Variants in PTPN3 observed in about 807,000 individuals in gnomAD.
The protein encoded by PTPN3 is protein tyrosine phosphatase non-receptor type 3.
In PTPN3, 96 loss-of-function variants were observed where a neutral mutation model predicts 132.7. The ratio of observed to expected loss-of-function variants is 0.72; its 90% CI spans 0.61 to 0.86. The LOEUF (loss-of-function observed/expected upper bound fraction) is 0.86, where lower values mean the gene tolerates loss of function less well. Ranked by LOEUF, PTPN3 falls within the 40% of genes least tolerant of loss-of-function variation. PTPN3 has a pLI of 0.00. For missense variants in PTPN3, 1,125 were observed against 1,159.6 expected, an observed-to-expected ratio of 0.97 and a Z score of 0.43; for synonymous variants, 398 against 429.0, an observed-to-expected ratio of 0.93 and a Z score of 0.89.
At chr9:109,442,330 G>A (rs1027053842) in intron 7 of PTPN3, among the ~76,000 whole-genome samples, 1 of 152,142 alleles carries the variant, frequency 6.6e-6, no homozygotes, top group African/African-American at 2.4e-5. Context: ...ATACAGGCGT[G>A]AACCACCGTG....
chr9:109,399,878 T>C (rs965943515), intron 19 of PTPN3, among the ~76,000 whole-genome samples: 1 of 150,268 alleles, frequency 6.7e-6, no homozygotes, highest in Non-Finnish European at 1.5e-5. Flanking sequence ...CTGGAGAAGG[T>C]AGAGAACTGG....
chr9:109,408,994 T>C (rs3829085), intron 16 of PTPN3, among the ~76,000 whole-genome samples: 5,752 of 151,740 alleles, frequency 0.038, 147 homozygotes, highest in East Asian at 0.15. Context: ...AGGCTGTGCA[T>C]GATGGCAGCT....
In PTPN3 at chr9:109,474,846, A is replaced by G. The variant is rs577321971; in HGVS notation, c.-17-11395T>C. On this transcript the variant is annotated intron_variant, in intron 1 of 25. Transcript: ENST00000374541. ...GCTGTGGGGGGACCTCAGCTTCATC[A>G]CTTACTGAGATTAACTTCGGAGAGA... Among the ~76,000 whole-genome samples, 17 of 152,250 alleles carry G rather than the reference A, an allele frequency of 1.1e-4. No homozygotes were observed. The South Asian group carries it at 3.1e-3, about 28-fold the overall frequency.
chr9:109,464,044 T>C (rs1845978716), intron 1 of PTPN3, among the ~76,000 whole-genome samples: 1 of 152,128 alleles, frequency 6.6e-6, no homozygotes, highest in Non-Finnish European at 1.5e-5. Context: ...TCAACCATAT[T>C]AGCTGTCAAA....
intron 13 of PTPN3, among the ~76,000 whole-genome samples, chr9:109,421,536 G>A (rs542851001): frequency 1.2e-4 from 19 of 152,280 alleles, no homozygotes; most frequent in Middle Eastern, 6.8e-3. Context: ...TCCGGGCCAC[G>A]AGTGTGGCAA....
chr9:109,517,353 C>A, the PTPN3 span, among the ~76,000 whole-genome samples: 2 of 152,248 alleles, frequency 1.3e-5, no homozygotes, highest in Middle Eastern at 3.4e-3. Context: ...CCTGGGGAAC[C>A]AACATCATCA....
intron 22 of PTPN3, among the ~76,000 whole-genome samples, chr9:109,388,980 G>A (rs778408884): frequency 3.9e-5 from 6 of 152,208 alleles, no homozygotes. Flanking sequence ...CTGCAGGGGT[G>A]TTGGGGCACA....
chr9:109,498,625 G>C (rs1462410561), upstream of PTPN3, among the ~76,000 whole-genome samples: 2 of 152,196 alleles, frequency 1.3e-5, no homozygotes, highest in African/African-American at 4.8e-5. This position sits in a 1 kb window ranked among gnomAD's most constrained non-coding sequence, Gnocchi z 4.2. Flanking sequence ...TTTGAAATGA[G>C]GAGTCTTGCA....
At chr9:109,477,731 G>A (rs571183994) in intron 1 of PTPN3, among the ~76,000 whole-genome samples, 2 of 152,326 alleles carry the variant, frequency 1.3e-5, no homozygotes, top group East Asian at 1.9e-4. Flanking sequence ...GCCTGGGGCC[G>A]CTCCTACCTG....
At chr9:109,445,210 C>T in intron 7 of PTPN3, 30 bp downstream of exon 7, 1 of 1,601,000 alleles carries the variant, frequency 6.2e-7, no homozygotes, top group Non-Finnish European at 8.6e-7. Context: ...ACAACCTGTC[C>T]ATCCGTGAAA....
At chr9:109,384,907 C>T (rs377002656) in intron 22 of PTPN3, among the ~76,000 whole-genome samples, 11 of 152,254 alleles carry the variant, frequency 7.2e-5, no homozygotes, top group African/African-American at 2.6e-4. Flanking sequence ...GGTTAGTAGC[C>T]ATTCTGTGAC....
At chr9:109,478,936 C>T (rs560978378) in intron 1 of PTPN3, among the ~76,000 whole-genome samples, 1 of 152,272 alleles carries the variant, frequency 6.6e-6, no homozygotes, top group South Asian at 2.1e-4. Flanking sequence ...AGACGTGCTC[C>T]TCCCACTACC....
intron 7 of PTPN3, among the ~76,000 whole-genome samples, chr9:109,440,815 C>T (rs1305057798): frequency 2.0e-5 from 3 of 152,194 alleles, no homozygotes; most frequent in African/African-American, 7.2e-5. Flanking sequence ...TTCTGAGCTT[C>T]GAACACAACC....
intron 1 of PTPN3, among the ~76,000 whole-genome samples, chr9:109,482,449 A>C (rs577652905): frequency 1.3e-5 from 2 of 151,970 alleles, no homozygotes; most frequent in Admixed American, 1.3e-4. Flanking sequence ...AGACAAAAAA[A>C]CCCCACATGT....
chr9:109,487,357 A>G lies in PTPN3; in HGVS notation c.-18+10862T>C, dbSNP rs552839348. 7.2e-5 allele frequency among the ~76,000 whole-genome samples: 11 copies of G among 152,338 alleles called. No individual in the cohort carries two copies. The South Asian group carries it at 2.3e-3, about 32-fold the overall frequency. Reference sequence around the variant, plus strand: ...GCAGGGAGGGCCCCCCTGGCCGCAAAGCGCAGAGCATATTATCTAAAAGTG... The same window carrying G: ...GCAGGGAGGGCCCCCCTGGCCGCAAGGCGCAGAGCATATTATCTAAAAGTG... On this transcript the variant is annotated intron_variant, in intron 1 of 25. Transcript: ENST00000374541.
Position 109,447,030 on chromosome 9 carries a change from A to G in PTPN3, c.414-1738T>C, listed in dbSNP as rs539994847. ...AAGACCCACAGTTACAAATACACAA[A>G]TCCACATCTGAGAAGCGTTTGGTAG... On this transcript the variant is annotated intron_variant, in intron 6 of 25. Transcript: ENST00000374541. Among the ~76,000 whole-genome samples, 6 of 152,256 alleles carry G rather than the reference A, an allele frequency of 3.9e-5. No individual in the cohort carries two copies. In the East Asian group the frequency reaches 1.2e-3, roughly 29 times the overall value.
At chr9:109,389,958 T>C (rs1335579111) in intron 21 of PTPN3, among the ~76,000 whole-genome samples, 3 of 152,242 alleles carry the variant, frequency 2.0e-5, no homozygotes, top group African/African-American at 7.2e-5. Context: ...CCCTCTGGAC[T>C]GAGTCCTTTT....
In PTPN3 at chr9:109,427,128, A is replaced by G; in HGVS notation, c.829-6T>C. ...ATATGTTCCCTGGATTCAGCCTGGG[A>G]GGAAAAACAGTCAAGATTTCACCCA... On this transcript the variant is annotated splice_polypyrimidine_tract_variant and splice_region_variant and intron_variant, in intron 11 of 25. Coordinates refer to ENST00000374541, the MANE Select transcript of PTPN3 (RefSeq NM_002829.4). The G allele has an allele frequency of 2.5e-6, 4 of 1,613,632 alleles. No homozygotes were observed. Among genetic ancestry groups the G allele is most frequent in the Non-Finnish European group, 2.5e-6 (3 of 1,179,728 alleles).
chr9:109,468,681 A>G (rs1846224667), intron 1 of PTPN3, among the ~76,000 whole-genome samples: 1 of 152,210 alleles, frequency 6.6e-6, no homozygotes, highest in Admixed American at 6.5e-5. Context: ...TACAGTTTTT[A>G]ATCAAAGATT....
Sources: gnomAD v4.1 joint callset for allele counts (sites outside exome capture counted in the v4.1 genomes callset) on GRCh38, gnomAD v4.1.1 for gene constraint, Gnocchi (gnomAD v3.1) non-coding constraint, MANE v1.5 for transcripts, NCBI Gene and HGNC (gene_info 2026-07-23, HGNC 2026-07-21) for gene names.